Variants in CGNL1 observed in about 807,000 individuals in gnomAD.
The protein encoded by CGNL1 is cingulin like 1.
A neutral mutation model predicts 141.2 loss-of-function variants in CGNL1; 132 were observed. The ratio of observed to expected loss-of-function variants is 0.93; its 90% CI spans 0.81 to 1.08. CGNL1 has a LOEUF of 1.08. Among genes scored for constraint, CGNL1 ranks in the 50% least tolerant of loss-of-function variants. The pLI is 0.00. For synonymous variants in CGNL1, 690 were observed against 622.1 expected (o/e 1.11, Z -1.63); for missense variants, 1,870 against 1,588.6 (o/e 1.18, Z -3.01).
chr15:57,378,951 T>C (rs1595636426), intron 1 of CGNL1, among the ~76,000 whole-genome samples: 1 of 152,142 alleles, frequency 6.6e-6, no homozygotes. Context: ...GAAATGGAGG[T>C]TACATGCAGC....
chr15:57,543,903 G>C (rs1048346765), intron 15 of CGNL1, 124 bp downstream of exon 15: 3 of 653,754 alleles, frequency 4.6e-6, no homozygotes, highest in Non-Finnish European at 7.9e-6. Flanking sequence ...ACTCTGGGGG[G>C]TAACAGTCCT....
chr15:57,502,631 G>T (rs750569343), intron 8 of CGNL1, among the ~76,000 whole-genome samples: 6 of 152,172 alleles, frequency 3.9e-5, no homozygotes, highest in Non-Finnish European at 5.9e-5. Flanking sequence ...AGATGGCTAT[G>T]ACCTTAGAGA....
intron 8 of CGNL1, among the ~76,000 whole-genome samples, chr15:57,474,321 G>A (rs2934444): frequency 6.6e-6 from 1 of 151,970 alleles, no homozygotes; most frequent in Non-Finnish European, 1.5e-5. Context: ...ACAACTGATA[G>A]AACATTTTGA....
In CGNL1 at chr15:57,487,922, G is replaced by T. The variant is rs111983238; in HGVS notation, c.2403+26030G>T. Among the ~76,000 whole-genome samples the T allele has an allele frequency of 7.8e-3, 1,185 of 152,264 alleles. 17 individuals are homozygous for T. The highest frequency in any genetic ancestry group is 0.027 in the African/African-American group (1,105 of 41,532). On this transcript the variant is annotated intron_variant, in intron 8 of 18. Coordinates refer to ENST00000281282, the MANE Select transcript of CGNL1 (RefSeq NM_032866.5). ...ATGGACGGACGTTTTCATTTCTTTG[G>T]CGTGTATACCTGGGAGTAGAGTTGC... is the stretch of plus-strand genomic sequence containing the variant.
At chr15:57,478,799 T>A (rs763426531) in intron 8 of CGNL1, among the ~76,000 whole-genome samples, 1 of 152,166 alleles carries the variant, frequency 6.6e-6, no homozygotes, top group Admixed American at 6.5e-5. Context: ...TCACTACCTC[T>A]GGCTACTTTT....
At chr15:57,450,920 T>C (rs2063314477) in intron 4 of CGNL1, among the ~76,000 whole-genome samples, 1 of 152,308 alleles carries the variant, frequency 6.6e-6, no homozygotes, top group South Asian at 2.1e-4. Flanking sequence ...GCATAAAACC[T>C]GGTCCCTGCC....
chr15:57,489,099 T>C (rs1379783711), intron 8 of CGNL1, among the ~76,000 whole-genome samples: 1 of 152,244 alleles, frequency 6.6e-6, no homozygotes, highest in Non-Finnish European at 1.5e-5. Flanking sequence ...TAAGTTTGAC[T>C]AAAGTATCCA....
intron 3 of CGNL1, among the ~76,000 whole-genome samples, chr15:57,441,454 C>CA (rs377652253): frequency 3.9e-5 from 6 of 152,142 alleles, no homozygotes; most frequent in African/African-American, 1.4e-4. Context: ...CTGCAACCCC[C>CA]ACCTCCCAGG....
intron 11 of CGNL1, 30 bp downstream of exon 11, chr15:57,523,671 AG>A: frequency 6.2e-7 from 1 of 1,611,642 alleles, no homozygotes; most frequent in South Asian, 1.1e-5. Flanking sequence ...AAGAGGAAGT[AG>A]GGCCAGATGT....
chr15:57,408,761 C>G (rs2062751644), intron 1 of CGNL1, among the ~76,000 whole-genome samples: 1 of 152,032 alleles, frequency 6.6e-6, no homozygotes, highest in Non-Finnish European at 1.5e-5. Context: ...TTAGGCCAGA[C>G]ACAGTGGCTC....
In CGNL1 at chr15:57,525,260, G is replaced by T. The variant is rs187139249; in HGVS notation, c.3039+509G>T. On this transcript the variant is annotated intron_variant, in intron 12 of 18. Coordinates refer to ENST00000281282, the MANE Select transcript of CGNL1 (RefSeq NM_032866.5). ...GAGTATTGAAATGATTAAAACATTC[G>T]TTTTATATTTAAGAATAATTGAGCA... Among the ~76,000 whole-genome samples the T allele has an allele frequency of 9.7e-4, 148 of 152,322 alleles. 1 individual carries two copies. In the South Asian group the frequency reaches 0.03, roughly 31 times the overall value.
chr15:57,469,448 A>G (rs1254633754), intron 8 of CGNL1, among the ~76,000 whole-genome samples: 6 of 151,518 alleles, frequency 4.0e-5, no homozygotes, highest in Non-Finnish European at 8.8e-5. Flanking sequence ...GGAGGAAGAG[A>G]AGACACAGAC....
chr15:57,426,702 G>A (rs927803464), intron 1 of CGNL1, among the ~76,000 whole-genome samples: 2 of 149,066 alleles, frequency 1.3e-5, no homozygotes, highest in East Asian at 2.0e-4. Flanking sequence ...AAAGTGATCC[G>A]CCTGCCTCAG....
At chr15:57,503,005 G>A (rs1387434237) in intron 8 of CGNL1, among the ~76,000 whole-genome samples, 1 of 152,140 alleles carries the variant, frequency 6.6e-6, no homozygotes, top group Non-Finnish European at 1.5e-5. Flanking sequence ...TCAGTACCAG[G>A]CATAGCATTT....
chr15:57,508,717 C>T (rs2029945944), intron 8 of CGNL1, among the ~76,000 whole-genome samples: 1 of 152,210 alleles, frequency 6.6e-6, no homozygotes, highest in Admixed American at 6.5e-5. Flanking sequence ...CAGAAAGGCC[C>T]TGAGAGCTGA....
At chr15:57,542,178 A>T (rs1216877456) in intron 14 of CGNL1, among the ~76,000 whole-genome samples, 1 of 151,982 alleles carries the variant, frequency 6.6e-6, no homozygotes, top group Non-Finnish European at 1.5e-5. Flanking sequence ...CTTATCTTTT[A>T]CTCACTGGGG....
intron 9 of CGNL1, among the ~76,000 whole-genome samples, chr15:57,518,129 G>T (rs1289147808): frequency 6.6e-6 from 1 of 151,018 alleles, no homozygotes; most frequent in Non-Finnish European, 1.5e-5. Flanking sequence ...AATATAGTGA[G>T]ACCCTGTCTC....
At position 57,409,037 on chromosome 15, in the gene CGNL1, T is replaced by TCTCACACACACA. The variant is rs143760210; in HGVS notation, c.-15-28947_-15-28946insTCACACACACAC. On this transcript the variant is annotated intron_variant, in intron 1 of 18. Coordinates refer to ENST00000281282, the MANE Select transcript of CGNL1 (RefSeq NM_032866.5). ...GCCTGGGTGAGACAGTGAGACTCTGTCACACACACACACACACACACACAC... is the reference window on the plus strand; with the variant it reads ...GCCTGGGTGAGACAGTGAGACTCTGTCTCACACACACACACACACACACACACACACACACAC... 2.0e-3 allele frequency among the ~76,000 whole-genome samples: 288 copies of TCTCACACACACA among 141,836 alleles called. 1 individual carries two copies. The highest frequency in any genetic ancestry group is 6.8e-3 in the African/African-American group (258 of 37,824). 93.0% of individuals were successfully genotyped at this position (141,836 alleles called of 152,430 possible). A position where few individuals can be genotyped will look rare whatever the true frequency, so the allele number is the denominator to read the frequency against.
At chr15:57,489,504 A>G (rs2063829244) in intron 8 of CGNL1, among the ~76,000 whole-genome samples, 1 of 152,226 alleles carries the variant, frequency 6.6e-6, no homozygotes, top group South Asian at 2.1e-4. Context: ...AGACATGCAG[A>G]TTTAAGCTTT....
Sources: allele counts gnomAD v4.1 joint callset (sites outside exome capture counted in the v4.1 genomes callset), GRCh38; gene constraint gnomAD v4.1.1; transcripts MANE v1.5; gene names NCBI Gene and HGNC (gene_info 2026-07-23, HGNC 2026-07-21).